Variants in MAMLD1 observed in about 807,000 individuals in gnomAD.
MAMLD1 encodes mastermind like domain containing 1.
Under a neutral mutation model 45.0 loss-of-function variants are expected in MAMLD1, and 14 were observed. The observed-to-expected ratio is 0.31, with a 90% confidence interval of 0.21 to 0.49. MAMLD1 has a LOEUF of 0.49. Ranked by LOEUF, MAMLD1 falls within the 20% of genes least tolerant of loss-of-function variation. MAMLD1 has a pLI of 0.99. For missense variants in MAMLD1, 543 were observed against 603.6 expected (o/e 0.90, Z 1.05); for synonymous variants, 254 against 247.8 (o/e 1.02, Z -0.24).
At chrX:150,493,969 A>AT (rs10719413) in intron 5 of MAMLD1, among the ~76,000 whole-genome samples, 4,151 of 109,786 alleles carry the variant, frequency 0.038, 224 homozygotes, top group Admixed American at 0.21. Context: ...TATTTCAGTC[A>AT]TTTTTTTTTC....
chrX:150,370,817 C>G (rs192480368), intron 1 of MAMLD1, among the ~76,000 whole-genome samples: 1 of 111,951 alleles, frequency 8.9e-6, no homozygotes, highest in East Asian at 2.8e-4. Context: ...TGAAACAGTT[C>G]AAAAATATTC....
At chrX:150,436,090 A>G (rs1308676461) in intron 1 of MAMLD1, among the ~76,000 whole-genome samples, 3 of 111,453 alleles carry the variant, frequency 2.7e-5, no homozygotes, top group Non-Finnish European at 5.7e-5. Context: ...GTCTGCTGTT[A>G]GCCTGATGGG....
At chrX:150,447,236 C>T (rs2035518745) in intron 2 of MAMLD1, among the ~76,000 whole-genome samples, 1 of 112,279 alleles carries the variant, frequency 8.9e-6, no homozygotes, top group Non-Finnish European at 1.9e-5. Context: ...GCTTTAGAGT[C>T]ACACTTTGGA....
At chrX:150,441,041 TAAA>T (rs1157276614) in intron 1 of MAMLD1, among the ~76,000 whole-genome samples, 40 of 104,570 alleles carry the variant, frequency 3.8e-4, no homozygotes, top group African/African-American at 1.2e-3. Context: ...TTAATAATAA[TAAA>T]AATATTATTA....
At chrX:150,444,037 C>T (rs782200422) in intron 1 of MAMLD1, among the ~76,000 whole-genome samples, 181 of 112,365 alleles carry the variant, frequency 1.6e-3, no homozygotes, top group Middle Eastern at 4.6e-3. Context: ...CTTCCTCTGA[C>T]ACTGCTCTGG....
At chrX:150,433,859 C>T (rs1324479409) in intron 1 of MAMLD1, among the ~76,000 whole-genome samples, 3 of 111,241 alleles carry the variant, frequency 2.7e-5, no homozygotes, top group Admixed American at 9.6e-5. Context: ...GAATATTGGC[C>T]GTAAGTTTTC....
intron 5 of MAMLD1, among the ~76,000 whole-genome samples, chrX:150,485,402 G>A (rs984607016): frequency 1.8e-5 from 2 of 111,446 alleles, no homozygotes; most frequent in Admixed American, 9.5e-5. Flanking sequence ...CACCTTTTAC[G>A]GGCTTTTAAT....
At chrX:150,477,887 A>C (rs1428437504) in intron 5 of MAMLD1, among the ~76,000 whole-genome samples, 1 of 111,521 alleles carries the variant, frequency 9.0e-6, no homozygotes, top group Non-Finnish European at 1.9e-5. Flanking sequence ...CAGGGCGGAA[A>C]GCGTGTACAT....
At chrX:150,500,029 A>ATTGAATT (rs781862437) in intron 5 of MAMLD1, among the ~76,000 whole-genome samples, 1 of 112,301 alleles carries the variant, frequency 8.9e-6, no homozygotes, top group Non-Finnish European at 1.9e-5. Context: ...AGTAAAGTTT[A>ATTGAATT]TTGAATTTTG....
chrX:150,366,326 C>A (rs1261683935), intron 1 of MAMLD1, among the ~76,000 whole-genome samples: 4 of 111,909 alleles, frequency 3.6e-5, no homozygotes, highest in African/African-American at 1.3e-4. Flanking sequence ...GAAGATGAAG[C>A]GTTAACACCC....
chrX:150,379,035 T>A (rs782700474), intron 1 of MAMLD1, among the ~76,000 whole-genome samples: 45 of 112,249 alleles, frequency 4.0e-4, no homozygotes, highest in African/African-American at 1.4e-3. Context: ...ACCCTCTCAG[T>A]CCACAAAGCT....
At chrX:150,450,393 G>A (rs192202264) in intron 2 of MAMLD1, among the ~76,000 whole-genome samples, 104 of 111,816 alleles carry the variant, frequency 9.3e-4, no homozygotes, top group Non-Finnish European at 1.8e-3. Flanking sequence ...CTGAAGGCGC[G>A]GCACAGGTGC....
intron 5 of MAMLD1, among the ~76,000 whole-genome samples, chrX:150,494,549 T>C (rs895378377): frequency 3.6e-5 from 4 of 111,941 alleles, no homozygotes; most frequent in Non-Finnish European, 7.5e-5. Context: ...TCATCACTTA[T>C]TAATAGACTT....
Position 150,445,515 on chromosome X carries a change from C to G in MAMLD1, c.-2C>G. On this transcript the variant is annotated 5_prime_UTR_variant, in exon 2 of 8. Coordinates refer to ENST00000370401, the MANE Select transcript of MAMLD1 (RefSeq NM_005491.5). The stretch of plus-strand genomic sequence containing the variant: ...GTCAAGAATAAATTTGCAGGTCAAA[C>G]AATGGATGACTGGAAAAGTCGGCTT... 2.5e-6 allele frequency: 3 copies of G among 1,206,459 alleles called. No individual in the cohort carries two copies. The highest frequency in any genetic ancestry group is 3.4e-6 in the Non-Finnish European group (3 of 891,058).
intron 1 of MAMLD1, among the ~76,000 whole-genome samples, chrX:150,388,230 GTTGT>G (rs1402549989): frequency 9.0e-6 from 1 of 111,617 alleles, no homozygotes; most frequent in Non-Finnish European, 1.9e-5. Flanking sequence ...TATATTTCAT[GTTGT>G]TTAAGTTGTG....
At chrX:150,489,133 A>C (rs1412954159) in intron 5 of MAMLD1, among the ~76,000 whole-genome samples, 1 of 112,430 alleles carries the variant, frequency 8.9e-6, no homozygotes, top group Non-Finnish European at 1.9e-5. Context: ...GAACCCACTG[A>C]TCTGTGAGCC....
At chrX:150,379,075 A>G (rs1442718394) in intron 1 of MAMLD1, among the ~76,000 whole-genome samples, 1 of 111,824 alleles carries the variant, frequency 8.9e-6, no homozygotes, top group Non-Finnish European at 1.9e-5. Context: ...ATCTATATCT[A>G]TTCCTTTTTA....
chrX:150,448,849 A>C (rs1322778460), intron 2 of MAMLD1, among the ~76,000 whole-genome samples: 4 of 111,885 alleles, frequency 3.6e-5, no homozygotes, highest in African/African-American at 1.3e-4. Context: ...CTCAGTGCGC[A>C]TGTCACATGC....
chrX:150,439,673 G>A (rs1299873961), intron 1 of MAMLD1, among the ~76,000 whole-genome samples: 3 of 111,881 alleles, frequency 2.7e-5, no homozygotes, highest in African/African-American at 6.5e-5. Context: ...GGTGGCTCAC[G>A]CCTGTAATCC....
Sources: allele counts gnomAD v4.1 joint callset (sites outside exome capture counted in the v4.1 genomes callset), GRCh38; gene constraint gnomAD v4.1.1; transcripts MANE v1.5; gene names NCBI Gene and HGNC (gene_info 2026-07-23, HGNC 2026-07-21).